Variants in NFAT5 observed in about 807,000 individuals in gnomAD.
NFAT5 encodes nuclear factor of activated T-cells 5.
A neutral mutation model predicts 166.5 loss-of-function variants in NFAT5; 31 were observed. The observed-to-expected ratio is 0.19, with a 90% CI of 0.14 to 0.25. The LOEUF is 0.25. NFAT5 is among the 10% of genes least tolerant of loss of function. The probability of loss-of-function intolerance (pLI) is 1.00; values close to 1 mark genes in which losing one functional copy is unlikely to be tolerated. For missense variants in NFAT5, 1,449 were observed against 1,821.8 expected (o/e 0.80, Z 3.72); for synonymous variants, 612 against 639.7 (o/e 0.96, Z 0.65).
intron 9 of NFAT5, among the ~76,000 whole-genome samples, chr16:69,676,480 A>G (rs1179339158): frequency 2.0e-5 from 3 of 152,228 alleles, no homozygotes; most frequent in Non-Finnish European, 4.4e-5. Flanking sequence ...TACAGAATGT[A>G]TGGTAACTGA....
intron 2 of NFAT5, among the ~76,000 whole-genome samples, chr16:69,605,738 G>A (rs866950225): frequency 2.6e-4 from 39 of 150,500 alleles, no homozygotes; most frequent in Middle Eastern, 6.8e-3. Flanking sequence ...ACGGAGTCTC[G>A]TTCTGTCGCC....
At position 69,608,242 on chromosome 16, in the gene NFAT5, C is replaced by G. The variant is rs538024388; in HGVS notation, c.128-18161C>G. 5.9e-5 allele frequency among the ~76,000 whole-genome samples: 9 copies of G among 152,200 alleles called. No homozygotes were observed. In the South Asian group the frequency reaches 1.9e-3, roughly 32 times the overall value. On this transcript the variant is annotated intron_variant, in intron 2 of 14. Transcript: ENST00000349945. ...TGTTGTGGCGTGCCTGTAATCTCAA[C>G]TCCTCGAGAGAGGCTGAGGCAGGAG...
At chr16:69,622,878 G>A (rs1429093645) in intron 2 of NFAT5, among the ~76,000 whole-genome samples, 3 of 151,620 alleles carry the variant, frequency 2.0e-5, no homozygotes, top group African/African-American at 7.3e-5. Context: ...GGGTGTGGTG[G>A]CTCACGCCTG....
At chr16:69,569,323 C>T (rs149412344) in intron 2 of NFAT5, among the ~76,000 whole-genome samples, 4 of 145,686 alleles carry the variant, frequency 2.7e-5, no homozygotes, top group Non-Finnish European at 6.1e-5. Context: ...AATTAAGAAA[C>T]CAAAAAAAAA....
At chr16:69,606,940 G>C (rs2033443235) in intron 2 of NFAT5, among the ~76,000 whole-genome samples, 1 of 152,154 alleles carries the variant, frequency 6.6e-6, no homozygotes, top group South Asian at 2.1e-4. Flanking sequence ...TCATCAGATT[G>C]CCTTTGGAAT....
chr16:69,615,188 C>T (rs1480836385), intron 2 of NFAT5, among the ~76,000 whole-genome samples: 1 of 152,034 alleles, frequency 6.6e-6, no homozygotes, highest in Middle Eastern at 3.4e-3. Context: ...ATTACAGGCA[C>T]GTGCCACCAT....
intron 2 of NFAT5, among the ~76,000 whole-genome samples, chr16:69,600,346 A>G (rs2033061645): frequency 1.3e-5 from 2 of 152,162 alleles, no homozygotes; most frequent in Admixed American, 1.3e-4. Context: ...GAAGCCAAGT[A>G]GTAGTTGGTT....
rs535762540 is a variant in NFAT5 at position 69,648,125 on chromosome 16, G to A, written c.812+539G>A. 23 of 695,706 alleles carry A rather than the reference G, an allele frequency of 3.3e-5. No individual in the cohort carries two copies. The South Asian group carries it at 5.2e-4, about 16-fold the overall frequency. 43.1% of individuals were successfully genotyped at this position (695,706 alleles called of 1,614,324 possible). ...CAGGAGGCAGAGGTTGCAGTGAGCCGACATCACGCCACTGTACTCCAGCCT... is the reference window on the plus strand; with the variant it reads ...CAGGAGGCAGAGGTTGCAGTGAGCCAACATCACGCCACTGTACTCCAGCCT... On this transcript the variant is annotated intron_variant, in intron 4 of 14. Coordinates refer to ENST00000349945, the MANE Select transcript of NFAT5 (RefSeq NM_138713.4).
chr16:69,607,767 ATTTTCT>A (rs1461796105), intron 2 of NFAT5, among the ~76,000 whole-genome samples: 1 of 151,736 alleles, frequency 6.6e-6, no homozygotes, highest in Non-Finnish European at 1.5e-5. Flanking sequence ...CTCATTTTCT[ATTTTCT>A]TTTTCTCTCA....
rs545917175 is a variant in NFAT5, at chr16:69,648,219, A to G, written c.812+633A>G. The G allele has an allele frequency of 1.7e-4, 167 of 984,974 alleles. No homozygotes were observed. In the Admixed American group the frequency reaches 2.3e-3, roughly 14 times the overall value. 61.0% of individuals were successfully genotyped at this position (984,974 alleles called of 1,614,324 possible). On this transcript the variant is annotated intron_variant, in intron 4 of 14. Coordinates refer to ENST00000349945, the MANE Select transcript of NFAT5 (RefSeq NM_138713.4). ...AAAAAAAAAACCGAAAGAACTAGCA[A>G]TGTAATGACTCCATCCAAAACAACT... is the stretch of plus-strand genomic sequence containing the variant.
Position 69,659,709 on chromosome 16 carries a change from A to AT in NFAT5, c.1197-10dup, listed in dbSNP as rs746550082. The AT allele has an allele frequency of 1.4e-4, 216 of 1,519,984 alleles. No homozygotes were observed. The highest frequency in any genetic ancestry group is 1.2e-4 in the Admixed American group (6 of 49,106). 94.2% of individuals were successfully genotyped at this position (1,519,984 alleles called of 1,614,324 possible). Reference sequence around the variant, plus strand: ...TATACAACAAAATGTCCCTTTATATATTTTTTTTCTGTATTAGGGTGGACT... The same window carrying AT: ...TATACAACAAAATGTCCCTTTATATATTTTTTTTTCTGTATTAGGGTGGACT... On this transcript the variant is annotated splice_polypyrimidine_tract_variant and intron_variant, in intron 6 of 14. Coordinates refer to ENST00000349945, the MANE Select transcript of NFAT5 (RefSeq NM_138713.4).
chr16:69,632,140 C>T (rs2034747345), intron 3 of NFAT5: 1 of 152,108 alleles, frequency 6.6e-6, no homozygotes, highest in Admixed American at 6.5e-5. Context: ...TCCTAATCAC[C>T]TGAATTAAAA....
intron 2 of NFAT5, among the ~76,000 whole-genome samples, chr16:69,619,198 A>G (rs2034091139): frequency 6.6e-6 from 1 of 152,246 alleles, no homozygotes; most frequent in East Asian, 1.9e-4. Context: ...TCTTAGGTCA[A>G]CAAGGGTGAG....
Position 69,568,513 on chromosome 16 carries a change from C to A in NFAT5, c.92C>A (p.Pro31Gln), listed in dbSNP as rs754941235. 5.0e-5 allele frequency: 81 copies of A among 1,613,024 alleles called. 1 individual carries two copies. In the Middle Eastern group the frequency reaches 8.3e-4, roughly 16 times the overall value. Residue 31 changes from proline to glutamine, a missense_variant, in exon 2 of 15, where the codon CCA (proline) becomes CAA (glutamine). Transcript: ENST00000349945. Reference sequence around the variant, plus strand: ...TTTTCAGATTCTCTGAAGTTACACCCATCACAGAATTTTCATAGAGCTGGA... The same window carrying A: ...TTTTCAGATTCTCTGAAGTTACACCAATCACAGAATTTTCATAGAGCTGGA... ...LYSRDSLKLH[P>Q]SQNFHRAGLL...
chr16:69,661,075 C>A (rs914405965), intron 7 of NFAT5, among the ~76,000 whole-genome samples: 1 of 143,064 alleles, frequency 7.0e-6, no homozygotes, highest in African/African-American at 2.7e-5. Flanking sequence ...CAGCACCCCC[C>A]ACCACCCTTT....
chr16:69,644,144 G>T (rs2035334578), intron 3 of NFAT5, among the ~76,000 whole-genome samples: 1 of 152,012 alleles, frequency 6.6e-6, no homozygotes, highest in South Asian at 2.1e-4. Context: ...AAGTAGCCAG[G>T]CATGGTGTTG....
chr16:69,606,593 G>A (rs2033423588), intron 2 of NFAT5, among the ~76,000 whole-genome samples: 1 of 152,136 alleles, frequency 6.6e-6, no homozygotes, highest in Non-Finnish European at 1.5e-5. Context: ...GGTGGCTCAC[G>A]GGTGTAATCC....
At chr16:69,586,629 CT>C (rs1320010076) in intron 2 of NFAT5, among the ~76,000 whole-genome samples, 1 of 152,118 alleles carries the variant, frequency 6.6e-6, no homozygotes, top group African/African-American at 2.4e-5. Flanking sequence ...TCTTGAACTC[CT>C]GACCTCAGGT....
At chr16:69,669,673 A>T (rs900736573) in intron 7 of NFAT5, among the ~76,000 whole-genome samples, 1 of 152,254 alleles carries the variant, frequency 6.6e-6, no homozygotes, top group Non-Finnish European at 1.5e-5. Flanking sequence ...AAAAGAAGAC[A>T]ACAAAACAAA....
Sources: gnomAD v4.1 joint callset for allele counts (sites outside exome capture counted in the v4.1 genomes callset) on GRCh38, gnomAD v4.1.1 for gene constraint, MANE v1.5 for transcripts, NCBI Gene and HGNC (gene_info 2026-07-23, HGNC 2026-07-21) for gene names.